The following CRPPA variants were observed in gnomAD, a reference collection of about 807,000 sequenced individuals.
The protein encoded by CRPPA is CDP-L-ribitol pyrophosphorylase A, also known as D-ribitol-5-phosphate cytidylyltransferase.
CRPPA carries 43 observed loss-of-function variants against 52.0 expected under a neutral mutation model. The ratio of observed to expected loss-of-function variants is 0.83; its 90% CI spans 0.65 to 1.07. The LOEUF is 1.07. Among genes scored for constraint, CRPPA ranks in the 50% least tolerant of loss-of-function variants. CRPPA has a pLI of 0.00. For missense variants in CRPPA, 629 were observed against 551.7 expected (o/e 1.14, Z -1.40); for synonymous variants, 250 against 203.5 (o/e 1.23, Z -1.94).
chr7:16,156,570 G>C (rs1350150546), intron 9 of CRPPA, among the ~76,000 whole-genome samples: 2 of 152,102 alleles, frequency 1.3e-5, no homozygotes, highest in African/African-American at 4.8e-5. Context: ...TGGCATCTCA[G>C]AAGATCAGAG....
At position 16,134,401 on chromosome 7, in the gene CRPPA, C is replaced by G. The variant is rs988881189; in HGVS notation, c.1252-42602G>C. Among the ~76,000 whole-genome samples, 28 of 63,782 alleles carry G rather than the reference C, an allele frequency of 4.4e-4. 4 individuals carry two copies. The highest frequency in any genetic ancestry group is 3.8e-3 in the Admixed American group (24 of 6,310). The allele number at this position is 63,782 out of a possible 152,430, so 41.8% of individuals were successfully genotyped here. On this transcript the variant is annotated intron_variant, in intron 9 of 9. Coordinates refer to ENST00000407010, the MANE Select transcript of CRPPA (RefSeq NM_001101426.4). ...TAATACACTTGAATCATCCTGAAAC[C>G]ATCCTCCCACCGACCTCTGTCCATG...
chr7:16,219,820 G>T (rs1782449100), intron 8 of CRPPA, among the ~76,000 whole-genome samples: 1 of 148,980 alleles, frequency 6.7e-6, no homozygotes, highest in East Asian at 2.0e-4. Flanking sequence ...CAACCAAAAA[G>T]AGTCCAGGAC....
rs560630111 is a variant in CRPPA at position 16,245,182 on chromosome 7, T to C, written c.1119+13208A>G. On this transcript the variant is annotated intron_variant, in intron 8 of 9. Transcript: ENST00000407010. Reference sequence around the variant, plus strand: ...GCAATTTTCCAATTACAAACATATGTATACATGTCTGCATATGAATTTGCA... The same window carrying C: ...GCAATTTTCCAATTACAAACATATGCATACATGTCTGCATATGAATTTGCA... Among the ~76,000 whole-genome samples, 28 of 152,368 alleles carry C rather than the reference T, an allele frequency of 1.8e-4. No individual in the cohort carries two copies. The South Asian group carries it at 5.0e-3, about 27-fold the overall frequency.
At chr7:16,253,300 C>T (rs779087187) in intron 8 of CRPPA, among the ~76,000 whole-genome samples, 14 of 152,048 alleles carry the variant, frequency 9.2e-5, no homozygotes, top group African/African-American at 1.4e-4. Context: ...TTCTGGCATG[C>T]GGTGTCTTTG....
At chr7:16,250,400 G>A (rs796699011) in intron 8 of CRPPA, among the ~76,000 whole-genome samples, 1 of 152,034 alleles carries the variant, frequency 6.6e-6, no homozygotes, top group African/African-American at 2.4e-5. Context: ...CTCGAAAAGA[G>A]CAACCCCAAG....
intron 9 of CRPPA, among the ~76,000 whole-genome samples, chr7:16,118,275 G>A (rs1242335619): frequency 1.3e-5 from 2 of 152,180 alleles, no homozygotes; most frequent in Non-Finnish European, 2.9e-5. Flanking sequence ...TTACCAAGAT[G>A]GGGCCGACTT....
At chr7:16,298,932 T>C (rs1338367417) in intron 5 of CRPPA, among the ~76,000 whole-genome samples, 2 of 152,236 alleles carry the variant, frequency 1.3e-5, no homozygotes, top group Non-Finnish European at 2.9e-5. Context: ...TCCCTTGTTC[T>C]CAGGCCTTTG....
chr7:16,163,936 G>A (rs1246753861), intron 9 of CRPPA, among the ~76,000 whole-genome samples: 1 of 151,844 alleles, frequency 6.6e-6, no homozygotes, highest in African/African-American at 2.4e-5. Context: ...TTTCTCTCTG[G>A]CTTAGCATTT....
At chr7:16,111,070 G>A (rs1029266560) in intron 9 of CRPPA, among the ~76,000 whole-genome samples, 12 of 151,720 alleles carry the variant, frequency 7.9e-5, no homozygotes, top group Admixed American at 7.2e-4. Flanking sequence ...ACATTTCAAT[G>A]GCAAGAAAAC....
At chr7:16,121,561 A>G (rs1299913438) in intron 9 of CRPPA, among the ~76,000 whole-genome samples, 1 of 152,128 alleles carries the variant, frequency 6.6e-6, no homozygotes, top group African/African-American at 2.4e-5. Context: ...AAAAGGTAGA[A>G]GTAAGCGTTC....
chr7:16,365,537 AT>A (rs779667125), intron 3 of CRPPA, among the ~76,000 whole-genome samples: 6 of 152,214 alleles, frequency 3.9e-5, no homozygotes, highest in Non-Finnish European at 7.3e-5. Context: ...CCAGAAATAA[AT>A]CTACATAAAG....
chr7:16,255,940 A>G (rs1469984749), intron 8 of CRPPA, among the ~76,000 whole-genome samples: 1 of 152,256 alleles, frequency 6.6e-6, no homozygotes, highest in Non-Finnish European at 1.5e-5. Context: ...AAAATTGACA[A>G]ATGGGATCTA....
intron 9 of CRPPA, among the ~76,000 whole-genome samples, chr7:16,211,729 C>T (rs1300132195): frequency 6.6e-6 from 1 of 152,148 alleles, no homozygotes; most frequent in East Asian, 1.9e-4. Flanking sequence ...GTACCCTATA[C>T]ATTCAGATCT....
At chr7:16,305,628 G>T (rs1784891042) in intron 4 of CRPPA, among the ~76,000 whole-genome samples, 1 of 152,180 alleles carries the variant, frequency 6.6e-6, no homozygotes, top group Non-Finnish European at 1.5e-5. Flanking sequence ...AGCACTTTGG[G>T]AGGCCAAGAC....
At chr7:16,233,443 G>A (rs1453776351) in intron 8 of CRPPA, among the ~76,000 whole-genome samples, 2 of 152,028 alleles carry the variant, frequency 1.3e-5, no homozygotes, top group Non-Finnish European at 2.9e-5. Context: ...AGAACTGATA[G>A]GCATCAGAAT....
In CRPPA at chr7:16,376,222, G is replaced by C; in HGVS notation, c.554C>G (p.Pro185Arg). 2 of 1,607,308 alleles carry C rather than the reference G, an allele frequency of 1.2e-6. No homozygotes were observed. Among genetic ancestry groups the C allele is most frequent in the Non-Finnish European group, 1.7e-6 (2 of 1,177,232 alleles). The change falls in exon 3 of 10, where the codon CCT becomes CGT. Residue 185 changes from proline to arginine, a missense_variant. Coordinates refer to ENST00000407010, the MANE Select transcript of CRPPA (RefSeq NM_001101426.4). ...TGGACTGACGACAGTAGATACAAGA[G>C]GTCGAATGGCTCCTGCTGCCTGAAG... is the stretch of plus-strand genomic sequence containing the variant. Reference protein sequence around the residue: ...KEHGAAGAIRPLVSTVVSPSA... With the variant: ...KEHGAAGAIRRLVSTVVSPSA...
rs376195897 is a variant in CRPPA, at chr7:16,406,064, G to A, written c.531C>T (p.His177=). The change falls in exon 2 of 10, where the codon CAC becomes CAT. Residue 177 remains histidine, a synonymous_variant. Transcript: ENST00000407010. The part of the protein sequence containing the change: ...LLKVVTAAKE[H]GAAGAIRPLV... ...AGACTCAAGAAAAAAGACTTACCCCGTGTTCCTTAGCAGCTGTGACAACTT... is the reference window on the plus strand; with the variant it reads ...AGACTCAAGAAAAAAGACTTACCCCATGTTCCTTAGCAGCTGTGACAACTT... 747 of 1,612,474 alleles carry A rather than the reference G, an allele frequency of 4.6e-4. 2 individuals are homozygous for A. The highest frequency in any genetic ancestry group is 6.0e-4 in the Non-Finnish European group (704 of 1,178,896).
chr7:16,245,655 C>G (rs558857676), intron 8 of CRPPA, among the ~76,000 whole-genome samples: 1 of 152,234 alleles, frequency 6.6e-6, no homozygotes, highest in East Asian at 1.9e-4. Context: ...CTAAGTCAGC[C>G]TATGCAATGG....
Position 16,241,946 on chromosome 7 carries a change from C to CTTTTTTT in CRPPA, c.1119+16437_1119+16443dup, listed in dbSNP as rs71549979. Among the ~76,000 whole-genome samples the CTTTTTTT allele has an allele frequency of 3.3e-3, 184 of 55,320 alleles. 11 individuals are homozygous for CTTTTTTT. The highest frequency in any genetic ancestry group is 4.1e-3 in the Admixed American group (16 of 3,940). The allele number at this position is 55,320 out of a possible 152,430, so 36.3% of individuals were successfully genotyped here. On this transcript the variant is annotated intron_variant, in intron 8 of 9. Transcript: ENST00000407010. Reference sequence around the variant, plus strand: ...TGTTTAATGTAGTTAAAAATCTATTCTTTTTTTTTTTTTTTTTTTTTTGTT... The same window carrying CTTTTTTT: ...TGTTTAATGTAGTTAAAAATCTATTCTTTTTTTTTTTTTTTTTTTTTTTTTTTTTGTT...
Sources: allele counts gnomAD v4.1 joint callset (sites outside exome capture counted in the v4.1 genomes callset), GRCh38; gene constraint gnomAD v4.1.1; transcripts MANE v1.5; gene names NCBI Gene and HGNC (gene_info 2026-07-23, HGNC 2026-07-21).